Variants in GDAP2 observed in about 807,000 individuals in gnomAD.
GDAP2 encodes ganglioside-induced differentiation-associated protein 2.
GDAP2 carries 51 observed loss-of-function variants against 67.0 expected under a neutral mutation model. The observed-to-expected ratio is 0.76, with a 90% CI of 0.61 to 0.96. GDAP2 has a LOEUF of 0.96. Ranked by LOEUF, GDAP2 falls within the 40% of genes least tolerant of loss-of-function variation. The pLI, the probability that GDAP2 is intolerant of heterozygous loss-of-function variation, is 0.00. For synonymous variants in GDAP2, 203 were observed against 207.3 expected (o/e 0.98, Z 0.18); for missense variants, 547 against 588.3 (o/e 0.93, Z 0.73).
Position 117,886,586 on chromosome 1 carries a change from A to G in GDAP2, c.1098T>C (p.Asp366=). 1 of 1,528,942 alleles carries G rather than the reference A, an allele frequency of 6.5e-7. No homozygotes were observed. Among genetic ancestry groups the G allele is most frequent in the Non-Finnish European group, 9.1e-7 (1 of 1,102,628 alleles). The allele number at this position is 1,528,942 out of a possible 1,614,324, so 94.7% of individuals were successfully genotyped here. The change falls in exon 10 of 14, where the codon GAT becomes GAC. Residue 366 remains aspartate (D), a synonymous_variant. Transcript: ENST00000369443. ...CCTTTTTATGGCTTACCTTGTCCAT[A>G]TCTATTAATGTTACAGGAATGTTTC... ...VGRNIPVTLI[D]MDKALLYFIH...
chr1:117,876,667 C>A (rs1240425763), intron 13 of GDAP2, among the ~76,000 whole-genome samples: 1 of 152,046 alleles, frequency 6.6e-6, no homozygotes, highest in African/African-American at 2.4e-5. Flanking sequence ...ATAAAACAGC[C>A]AAAATACACA....
At chr1:117,923,411 A>C (rs948196847) in intron 1 of GDAP2, among the ~76,000 whole-genome samples, 1 of 152,232 alleles carries the variant, frequency 6.6e-6, no homozygotes, top group Non-Finnish European at 1.5e-5. Flanking sequence ...AAAAGTATTA[A>C]TTTGGGAAAC....
chr1:117,889,872 C>T (rs1230048782), intron 8 of GDAP2, among the ~76,000 whole-genome samples: 1 of 151,950 alleles, frequency 6.6e-6, no homozygotes, highest in Non-Finnish European at 1.5e-5. Flanking sequence ...TCAATTAATA[C>T]CTATTAACTT....
At chr1:117,913,579 C>CA (rs2101157160) in intron 3 of GDAP2, 1 of 152,216 alleles carries the variant, frequency 6.6e-6, no homozygotes, top group East Asian at 1.9e-4. Context: ...GCTTTCAAAA[C>CA]AGACATCTAG....
intron 12 of GDAP2, among the ~76,000 whole-genome samples, chr1:117,878,612 A>G (rs1459060896): frequency 6.6e-6 from 1 of 152,216 alleles, no homozygotes; most frequent in Non-Finnish European, 1.5e-5. Context: ...TGGGACTCAT[A>G]TATTTTCAGT....
intron 8 of GDAP2, among the ~76,000 whole-genome samples, chr1:117,891,024 G>A (rs1649062089): frequency 6.6e-6 from 1 of 151,704 alleles, no homozygotes; most frequent in Non-Finnish European, 1.5e-5. Context: ...TGGGATTTGG[G>A]ATGTTCAACT....
At position 117,883,582 on chromosome 1, in the gene GDAP2, C is replaced by T. The variant is rs376137793; in HGVS notation, c.1153G>A (p.Glu385Lys). Residue 385 changes from glutamate (E) to lysine (K), a missense_variant, in exon 11 of 14, where the codon GAG (glutamate) becomes AAG (lysine). Glu to Lys is a moderately conservative substitution (Grantham distance 56). Transcript: ENST00000369443. ...IHVMDHIAVK[E>K]YVLVYFHTLT... is the part of the protein sequence containing the mutation. ...GTGTGAAAATACACTAATACATACT[C>T]CTTCACAGCAATGTGATCCATTACA... 1 of 1,600,778 alleles carries T rather than the reference C, an allele frequency of 6.2e-7. No homozygotes were observed. Among genetic ancestry groups the T allele is most frequent in the African/African-American group, 1.3e-5 (1 of 74,598 alleles).
intron 8 of GDAP2, among the ~76,000 whole-genome samples, chr1:117,895,371 C>A (rs565688364): frequency 1.3e-5 from 2 of 151,914 alleles, no homozygotes; most frequent in Non-Finnish European, 2.9e-5. Flanking sequence ...TCCATTAAAT[C>A]AAACATTAAA....
intron 9 of GDAP2, among the ~76,000 whole-genome samples, chr1:117,887,306 A>G (rs369311953): frequency 2.0e-5 from 3 of 152,166 alleles, no homozygotes; most frequent in South Asian, 2.1e-4. Context: ...ATAGCACTCA[A>G]ATCTGAAAAT....
intron 3 of GDAP2, among the ~76,000 whole-genome samples, chr1:117,914,611 A>G (rs189351807): frequency 2.6e-5 from 4 of 152,250 alleles, no homozygotes; most frequent in African/African-American, 9.6e-5. Context: ...CCCAAACCAT[A>G]TGAAGGCAAA....
At position 117,881,693 on chromosome 1, in the gene GDAP2, C is replaced by A. The variant is rs1014910195; in HGVS notation, c.1302+130G>T. ...AAACATCAGGACCACAACTCAAGAT[C>A]ACTTAGAAACCAGGAAATTAGCAGT... On this transcript the variant is annotated intron_variant, in intron 12 of 13. Transcript: ENST00000369443. The A allele has an allele frequency of 7.6e-6, 5 of 661,996 alleles. No individual in the cohort carries two copies. The African/African-American group carries it at 9.0e-5, about 12-fold the overall frequency. 41.0% of individuals were successfully genotyped at this position (661,996 alleles called of 1,614,324 possible). A position where few individuals can be genotyped will look rare whatever the true frequency, so the allele number is the denominator to read the frequency against.
chr1:117,901,481 T>C (rs922738065), intron 6 of GDAP2, among the ~76,000 whole-genome samples: 1 of 152,200 alleles, frequency 6.6e-6, no homozygotes, highest in Non-Finnish European at 1.5e-5. Flanking sequence ...TACATTCCAA[T>C]TAACTATCTA....
Position 117,886,637 on chromosome 1 carries a change from AC to A in GDAP2, c.1046del (p.Gly349ValfsTer4). ...TTCCAACTACCACCATCACTGTTCG[AC>A]CACAGTTATCAACACCTATAAACAG... ...ALYQTGVDNC[G>X]RTVMVVVGRN... On this transcript the variant is annotated frameshift_variant, in exon 10 of 14. Coordinates refer to ENST00000369443, the MANE Select transcript of GDAP2 (RefSeq NM_017686.4). LOFTEE classifies it high-confidence loss of function. 1.3e-6 allele frequency: 2 copies of A among 1,578,638 alleles called. No homozygotes were observed. The highest frequency in any genetic ancestry group is 8.7e-7 in the Non-Finnish European group (1 of 1,147,922).
chr1:117,886,453 T>C (rs2101126588), intron 10 of GDAP2, 124 bp downstream of exon 10: 1 of 632,102 alleles, frequency 1.6e-6, no homozygotes. Context: ...GAACCAGGTC[T>C]GCTCCTCTGT....
rs116258215 is a variant in GDAP2, at chr1:117,872,209, C to T, written c.1447-1593G>A. 3.9e-3 allele frequency among the ~76,000 whole-genome samples: 590 copies of T among 152,068 alleles called. 2 individuals carry two copies. Among genetic ancestry groups the T allele is most frequent in the Middle Eastern group, 6.8e-3 (2 of 294 alleles). ...GAAACAACAAATGCTGGTGACGGTA[C>T]GGAGAAATAGGAACACTTTCACACT... On this transcript the variant is annotated intron_variant, in intron 13 of 13. Coordinates refer to ENST00000369443, the MANE Select transcript of GDAP2 (RefSeq NM_017686.4).
chr1:117,889,207 A>G (rs1056557896), intron 8 of GDAP2, among the ~76,000 whole-genome samples: 1 of 152,274 alleles, frequency 6.6e-6, no homozygotes, highest in East Asian at 1.9e-4. Context: ...TTTACTTAAA[A>G]AATTATTTTC....
In GDAP2 at chr1:117,864,637, T is replaced by C. The variant is rs1276038960; in HGVS notation, c.*5932A>G. On this transcript the variant is annotated 3_prime_UTR_variant, in exon 14 of 14. Coordinates refer to ENST00000369443, the MANE Select transcript of GDAP2 (RefSeq NM_017686.4). ...TTTGGTTTTATACTTGTGCAAGACA[T>C]ATAAACATAAAGCATTTATACCTAG... The C allele has an allele frequency of 6.6e-6, 1 of 152,220 alleles. No homozygotes were observed. Among genetic ancestry groups the C allele is most frequent in the East Asian group, 1.9e-4 (1 of 5,204 alleles). The allele number at this position is 152,220 out of a possible 1,614,324, so 9.4% of individuals were successfully genotyped here.
At chr1:117,910,902 G>A (rs1254105415) in intron 5 of GDAP2, among the ~76,000 whole-genome samples, 2 of 152,154 alleles carry the variant, frequency 1.3e-5, no homozygotes, top group African/African-American at 4.8e-5. Flanking sequence ...TAAACTTCCT[G>A]AAATAACATG....
intron 6 of GDAP2, among the ~76,000 whole-genome samples, chr1:117,901,240 C>A: frequency 6.6e-6 from 1 of 151,832 alleles, no homozygotes; most frequent in East Asian, 1.9e-4. Context: ...ATACACACAC[C>A]ACATTTTTTT....
Sources: allele counts gnomAD v4.1 joint callset (sites outside exome capture counted in the v4.1 genomes callset), GRCh38; gene constraint gnomAD v4.1.1; transcripts MANE v1.5; gene names NCBI Gene and HGNC (gene_info 2026-07-23, HGNC 2026-07-21).